CSMD3: variants seen among roughly 807,000 people sequenced by gnomAD.
CSMD3 encodes CUB and Sushi multiple domains 3.
CSMD3 carries 177 observed loss-of-function variants against 435.2 expected under a neutral mutation model. The ratio of observed to expected loss-of-function variants is 0.41; its 90% CI spans 0.36 to 0.46. The LOEUF (loss-of-function observed/expected upper bound fraction) is 0.46, where lower values mean the gene tolerates loss of function less well. Ranked by LOEUF, CSMD3 falls within the 20% of genes least tolerant of loss-of-function variation. The pLI is 0.34. For missense variants in CSMD3, 4,265 were observed against 4,504.6 expected (o/e 0.95, Z 1.52); for synonymous variants, 1,656 against 1,520.5 (o/e 1.09, Z -2.07).
chr8:112,620,287 A>G (rs1367384637), intron 22 of CSMD3, among the ~76,000 whole-genome samples: 5 of 152,218 alleles, frequency 3.3e-5, no homozygotes. Context: ...AAATTTCAGT[A>G]GGAACCGTAT....
At chr8:112,466,071 T>C (rs573566651) in intron 32 of CSMD3, among the ~76,000 whole-genome samples, 131 of 152,126 alleles carry the variant, frequency 8.6e-4, no homozygotes, top group African/African-American at 3.1e-3. Context: ...AACACACATA[T>C]TGTGAATATG....
At chr8:112,606,197 GGTGGCACAGGTTGATGCCAAGA>G (rs1832777268) in intron 22 of CSMD3, among the ~76,000 whole-genome samples, 1 of 152,130 alleles carries the variant, frequency 6.6e-6, no homozygotes, top group African/African-American at 2.4e-5. Context: ...TGTACCCCAG[GGTGGCACAGGTTGATGCCAAGA>G]GAAGCCCCTA....
intron 5 of CSMD3, among the ~76,000 whole-genome samples, chr8:113,033,378 G>GC (rs1250497213): frequency 6.6e-6 from 1 of 151,670 alleles, no homozygotes; most frequent in Non-Finnish European, 1.5e-5. Flanking sequence ...GCATCAATAT[G>GC]CCCTGGATGT....
At chr8:113,070,685 T>A (rs949819753) in intron 5 of CSMD3, among the ~76,000 whole-genome samples, 1 of 152,054 alleles carries the variant, frequency 6.6e-6, no homozygotes, top group Non-Finnish European at 1.5e-5. Context: ...ATTCCAAATA[T>A]AAGTGAGACC....
At chr8:113,163,184 C>T (rs2092078224) in intron 4 of CSMD3, among the ~76,000 whole-genome samples, 2 of 152,054 alleles carry the variant, frequency 1.3e-5, no homozygotes, top group African/African-American at 4.8e-5. Context: ...CCATCGGATG[C>T]TGTGTTTTGA....
At chr8:112,307,768 T>C (rs759925795) in intron 50 of CSMD3, among the ~76,000 whole-genome samples, 1 of 152,222 alleles carries the variant, frequency 6.6e-6, no homozygotes, top group Non-Finnish European at 1.5e-5. Context: ...ATATCTAGCT[T>C]ACACGTTTCA....
chr8:113,227,004 G>C (rs2093035925), intron 3 of CSMD3, among the ~76,000 whole-genome samples: 2 of 151,448 alleles, frequency 1.3e-5, no homozygotes, highest in Non-Finnish European at 3.0e-5. Flanking sequence ...ACTTTACTAG[G>C]ATTATTCTAT....
At chr8:113,356,546 A>T (rs1266319240) in intron 1 of CSMD3, among the ~76,000 whole-genome samples, 1 of 152,188 alleles carries the variant, frequency 6.6e-6, no homozygotes, top group Non-Finnish European at 1.5e-5. Flanking sequence ...AGAGAAAGTA[A>T]GCACTCAATA....
At chr8:112,946,697 T>C (rs2083620114) in intron 9 of CSMD3, among the ~76,000 whole-genome samples, 1 of 151,808 alleles carries the variant, frequency 6.6e-6, no homozygotes, top group Non-Finnish European at 1.5e-5. Flanking sequence ...TGTCAAAGTC[T>C]GACTAGTCCC....
rs1298928854 is a variant in CSMD3, at chr8:112,263,747, C to T, written c.9754G>A (p.Gly3252Ser). 1 of 1,613,750 alleles carries T rather than the reference C, an allele frequency of 6.2e-7. No individual in the cohort carries two copies. Among genetic ancestry groups the T allele is most frequent in the South Asian group, 1.1e-5 (1 of 91,084 alleles). The change falls in exon 61 of 71, where the codon GGC (glycine) becomes AGC (serine). Residue 3252 changes from glycine to serine, a missense_variant. Around this residue, in one of 3 missense-constraint regions of CSMD3, gnomAD observed 3,255 missense variants for 3,380.2 expected, o/e 0.96. Transcript: ENST00000297405. The part of the protein sequence containing the change: ...GRLEGTNFDW[G>S]FSISYICSPG... ...GAACAGATGTAGCTAATACTAAAGC[C>T]CCAGTCGAAATTTGTTCCTTCCAGC... is the stretch of plus-strand genomic sequence containing the variant.
chr8:112,841,108 G>T (rs965147950), intron 11 of CSMD3, among the ~76,000 whole-genome samples: 3 of 151,590 alleles, frequency 2.0e-5, no homozygotes, highest in African/African-American at 7.3e-5. Context: ...AGGAGGTGAG[G>T]GTGAGGAACT....
intron 3 of CSMD3, among the ~76,000 whole-genome samples, chr8:113,217,489 C>A: frequency 6.6e-6 from 1 of 151,342 alleles, no homozygotes; most frequent in East Asian, 1.9e-4. Flanking sequence ...AATTAGTTAA[C>A]AAATAATGAA....
intron 30 of CSMD3, among the ~76,000 whole-genome samples, chr8:112,494,562 TCTTTCTTTC>T (rs1821134321): frequency 6.8e-6 from 1 of 147,210 alleles, no homozygotes; most frequent in South Asian, 2.1e-4. Flanking sequence ...TTTCTTTCTT[TCTTTCTTTC>T]TTTTCTTTCT....
intron 30 of CSMD3, among the ~76,000 whole-genome samples, chr8:112,501,350 C>T (rs986045534): frequency 2.0e-5 from 3 of 150,716 alleles, no homozygotes; most frequent in African/African-American, 7.3e-5. Context: ...GCTGAGATCA[C>T]CGCTGCACTC....
chr8:113,287,486 T>C (rs2093655549), intron 2 of CSMD3, among the ~76,000 whole-genome samples: 1 of 152,026 alleles, frequency 6.6e-6, no homozygotes, highest in African/African-American at 2.4e-5. Context: ...CTGGCAGTAA[T>C]ATTAAAGAAA....
intron 3 of CSMD3, among the ~76,000 whole-genome samples, chr8:113,216,836 A>T (rs1318797048): frequency 5.3e-5 from 8 of 151,816 alleles, no homozygotes; most frequent in Admixed American, 1.3e-4. Flanking sequence ...AAAGAAGAGA[A>T]ATGCTAGAAG....
intron 4 of CSMD3, among the ~76,000 whole-genome samples, chr8:113,164,118 G>A (rs1290372540): frequency 1.3e-5 from 2 of 151,948 alleles, no homozygotes; most frequent in African/African-American, 4.8e-5. Context: ...TAAATATAAT[G>A]CTGATTCTAA....
At chr8:113,337,072 C>T (rs1025968792) in intron 1 of CSMD3, among the ~76,000 whole-genome samples, 1 of 152,068 alleles carries the variant, frequency 6.6e-6, no homozygotes, top group Non-Finnish European at 1.5e-5. Context: ...CCTTTGGGTA[C>T]AGAAGGCAGG....
chr8:112,602,875 C>T (rs781650066), intron 22 of CSMD3, among the ~76,000 whole-genome samples: 13 of 152,052 alleles, frequency 8.5e-5, no homozygotes, highest in Non-Finnish European at 1.3e-4. Flanking sequence ...CAGCTGCAGA[C>T]ATCAGTCTAT....
Sources: allele counts gnomAD v4.1 joint callset (sites outside exome capture counted in the v4.1 genomes callset), GRCh38; gene constraint gnomAD v4.1.1; regional missense constraint gnomAD v4.1.1; transcripts MANE v1.5; gene names NCBI Gene and HGNC (gene_info 2026-07-23, HGNC 2026-07-21).